GDAP1: variants seen among roughly 807,000 people sequenced by gnomAD.
GDAP1 encodes the protein ganglioside induced differentiation associated protein 1, also known as ganglioside-induced differentiation-associated protein 1.
A neutral mutation model predicts 40.1 loss-of-function variants in GDAP1; 34 were observed. The observed-to-expected ratio is 0.85, with a 90% CI of 0.64 to 1.13. The LOEUF (loss-of-function observed/expected upper bound fraction) is 1.13. Among genes scored for constraint, GDAP1 ranks in the 50% most tolerant of loss-of-function variants. GDAP1 has a pLI of 0.00. For missense variants in GDAP1, 374 were observed against 433.7 expected (o/e 0.86, Z 1.22); for synonymous variants, 170 against 157.4 (o/e 1.08, Z -0.60).
chr8:74,471,309 T>C (rs1019389340), intron 2 of GDAP1, among the ~76,000 whole-genome samples: 7 of 152,098 alleles, frequency 4.6e-5, no homozygotes, highest in Non-Finnish European at 7.4e-5. Flanking sequence ...GTTTGCCCGC[T>C]TTTAAAATAA....
At position 74,419,018 on chromosome 8, in the gene GDAP1, A is replaced by G. The variant is rs114795755; in HGVS notation, c.165+67697A>G. Among the ~76,000 whole-genome samples, 840 of 152,342 alleles carry G rather than the reference A, an allele frequency of 5.5e-3. 8 individuals carry two copies. Among genetic ancestry groups the G allele is most frequent in the African/African-American group, 0.019 (780 of 41,594 alleles). On this transcript the variant is annotated intron_variant, in intron 2 of 2. Transcript: ENST00000523640. ...GTTTATTGGAATGGTTAAATTAAAC[A>G]TACTGGCAATACCAAGTGCGGGAGA...
chr8:74,403,077 T>C (rs1441837252), intron 2 of GDAP1, among the ~76,000 whole-genome samples: 1 of 150,194 alleles, frequency 6.7e-6, no homozygotes, highest in African/African-American at 2.5e-5. Context: ...TACACGATAA[T>C]AGTGCCCAAA....
chr8:74,486,511 G>A (rs537946714), intron 2 of GDAP1, among the ~76,000 whole-genome samples: 23 of 152,276 alleles, frequency 1.5e-4, no homozygotes, highest in South Asian at 2.1e-4. Context: ...ACCAGCTGAC[G>A]CTGGAATTTC....
intron 1 of GDAP1, among the ~76,000 whole-genome samples, chr8:74,350,787 G>A (rs1045010050): frequency 6.6e-6 from 1 of 152,230 alleles, no homozygotes; most frequent in African/African-American, 2.4e-5. Flanking sequence ...CTATGGCCCA[G>A]GCTCCGCCTC....
intron 2 of GDAP1, among the ~76,000 whole-genome samples, chr8:74,469,606 T>C (rs969776647): frequency 2.0e-5 from 3 of 151,378 alleles, no homozygotes; most frequent in Admixed American, 6.6e-5. Context: ...GGAGCGGAGC[T>C]TGCAGTGAGC....
intron 2 of GDAP1, among the ~76,000 whole-genome samples, chr8:74,428,949 G>A (rs891397315): frequency 6.3e-5 from 9 of 142,090 alleles, no homozygotes; most frequent in African/African-American, 1.8e-4. Flanking sequence ...CCACCTATGA[G>A]TGAGAACATG....
At chr8:74,430,069 A>G (rs1806006736) in intron 2 of GDAP1, among the ~76,000 whole-genome samples, 1 of 152,218 alleles carries the variant, frequency 6.6e-6, no homozygotes, top group South Asian at 2.1e-4. Context: ...CATATGACTT[A>G]TAGCCATATA....
At chr8:74,442,679 T>C (rs1806177349) in intron 2 of GDAP1, among the ~76,000 whole-genome samples, 1 of 152,156 alleles carries the variant, frequency 6.6e-6, no homozygotes, top group East Asian at 1.9e-4. Context: ...ACTGAAGTCT[T>C]TAAGTTTGGG....
At chr8:74,474,810 A>G (rs1806604778) in intron 2 of GDAP1, among the ~76,000 whole-genome samples, 1 of 152,180 alleles carries the variant, frequency 6.6e-6, no homozygotes. Context: ...GGCCTTATAG[A>G]ATGAGTTGGG....
rs114924818 is a variant in GDAP1, at chr8:74,362,313, G to A, written c.579+335G>A. 5.2e-3 allele frequency among the ~76,000 whole-genome samples: 791 copies of A among 152,122 alleles called. 7 individuals are homozygous for A. The highest frequency in any genetic ancestry group is 0.018 in the African/African-American group (728 of 41,504). ...CTAGACCTACATCCCTCCATGTGTC[G>A]CCCTGACTTGCTTTGCCCCCTGAGG... On this transcript the variant is annotated intron_variant, in intron 4 of 5. Coordinates refer to ENST00000220822, the MANE Select transcript of GDAP1 (RefSeq NM_018972.4).
chr8:74,413,329 G>A lies in GDAP1; in HGVS notation c.165+62008G>A, dbSNP rs796504601. On this transcript the variant is annotated intron_variant, in intron 2 of 2. Coordinates refer to the GDAP1 transcript ENST00000523640. ...GGCAAGAACTGGAAATACCACTGAA[G>A]TGGTAGTGAATTTACCATTCCCCCT... Among the ~76,000 whole-genome samples, 19 of 149,892 alleles carry A rather than the reference G, an allele frequency of 1.3e-4. 1 individual carries two copies. Among genetic ancestry groups the A allele is most frequent in the South Asian group, 8.3e-4 (4 of 4,828 alleles).
chr8:74,485,139 A>C (rs943355968), intron 2 of GDAP1, among the ~76,000 whole-genome samples: 1 of 152,166 alleles, frequency 6.6e-6, no homozygotes, highest in South Asian at 2.1e-4. Context: ...CACAGCTTAA[A>C]ATATTACCCA....
intron 2 of GDAP1, among the ~76,000 whole-genome samples, chr8:74,419,666 A>G (rs1420731427): frequency 1.3e-5 from 2 of 152,096 alleles, no homozygotes; most frequent in African/African-American, 4.8e-5. Flanking sequence ...TTTAAATTTA[A>G]TGACATTATA....
chr8:74,391,646 C>A (rs1321434768), intron 2 of GDAP1, among the ~76,000 whole-genome samples: 1 of 151,952 alleles, frequency 6.6e-6, no homozygotes, highest in Admixed American at 6.6e-5. Context: ...CAGCCACCCC[C>A]ACATCTTTTC....
chr8:74,440,657 A>T (rs1441813705), intron 2 of GDAP1, among the ~76,000 whole-genome samples: 2 of 150,434 alleles, frequency 1.3e-5, no homozygotes, highest in African/African-American at 4.9e-5. Context: ...TATGTTTGTT[A>T]CATTTGTAGA....
chr8:74,392,687 C>T (rs1427714995), intron 2 of GDAP1, among the ~76,000 whole-genome samples: 2 of 152,196 alleles, frequency 1.3e-5, no homozygotes, highest in Non-Finnish European at 2.9e-5. Context: ...TGGAAGTAGG[C>T]ATGGTCTTGT....
At chr8:74,472,845 T>A (rs1806577191) in intron 2 of GDAP1, among the ~76,000 whole-genome samples, 1 of 152,042 alleles carries the variant, frequency 6.6e-6, no homozygotes, top group East Asian at 1.9e-4. Context: ...CCTCCCAAAC[T>A]CAAGCAGTCT....
intron 2 of GDAP1, among the ~76,000 whole-genome samples, chr8:74,385,255 G>T (rs549082838): frequency 6.6e-6 from 1 of 152,180 alleles, no homozygotes; most frequent in African/African-American, 2.4e-5. Flanking sequence ...GTATACAAGT[G>T]CCATGGTGGT....
chr8:74,481,942 C>T (rs1309481250), intron 2 of GDAP1, among the ~76,000 whole-genome samples: 1 of 152,008 alleles, frequency 6.6e-6, no homozygotes, highest in East Asian at 1.9e-4. Flanking sequence ...GGGATATAGA[C>T]ATGGGAGTTG....
Sources: gnomAD v4.1 joint callset for allele counts (sites outside exome capture counted in the v4.1 genomes callset) on GRCh38, gnomAD v4.1.1 for gene constraint, MANE v1.5 for transcripts, NCBI Gene and HGNC (gene_info 2026-07-23, HGNC 2026-07-21) for gene names.